Variants in C1orf167 observed in about 807,000 individuals in gnomAD.
C1orf167 encodes uncharacterized protein C1orf167.
A neutral mutation model predicts 176.5 loss-of-function variants in C1orf167; 153 were observed. That is an observed-to-expected ratio of 0.87 (90% CI 0.76 to 0.99). C1orf167 has a LOEUF of 0.99. C1orf167 is among the 50% of genes least tolerant of loss of function. C1orf167 has a pLI of 0.00. For missense variants in C1orf167, 1,490 were observed against 1,817.7 expected (o/e 0.82, Z 3.28); for synonymous variants, 594 against 752.7 (o/e 0.79, Z 3.45).
chr1:11,785,281 G>C lies in C1orf167; in HGVS notation c.3559G>C (p.Ala1187Pro), dbSNP rs1356682506. The C allele has an allele frequency of 7.8e-7, 1 of 1,286,438 alleles. No individual in the cohort carries two copies. The highest frequency in any genetic ancestry group is 1.2e-5 in the South Asian group (1 of 80,888). The allele number at this position is 1,286,438 out of a possible 1,614,324, so 79.7% of individuals were successfully genotyped here. A position where few individuals can be genotyped will look rare whatever the true frequency, so the allele number is the denominator to read the frequency against. ...QLRVRLGLPGAGKTRSCWTQA... is the reference protein window; with the variant it reads ...QLRVRLGLPGPGKTRSCWTQA... ...CAGGGTGCGGCTGGGACTGCCAGGG[G>C]CCGGCAAGGTACGCCCCAAGCCCCA... The change falls in exon 16 of 21, where the codon GCC (alanine) becomes CCC (proline). Residue 1187 changes from alanine to proline, a missense_variant. Physicochemically the swap from Ala to Pro is conservative, Grantham distance 27 (BLOSUM62 -1). Transcript: ENST00000688073.
chr1:11,771,298 A>T (rs937136050), intron 6 of C1orf167, among the ~76,000 whole-genome samples: 2 of 123,352 alleles, frequency 1.6e-5, no homozygotes, highest in South Asian at 3.1e-4. Flanking sequence ...TTTGTTGTTT[A>T]AAAAAATCCA....
At chr1:11,776,383 C>A in intron 9 of C1orf167, 81 bp from the exon 10 acceptor site, 1 of 1,203,162 alleles carries the variant, frequency 8.3e-7, no homozygotes, top group Non-Finnish European at 1.1e-6. Flanking sequence ...CAAGAGGGGC[C>A]TGAGGCAGCA....
rs1557752500 is a variant in C1orf167 at position 11,788,968 on chromosome 1, C to G, written c.4173+222C>G. On this transcript the variant is annotated intron_variant, in intron 20 of 20. Coordinates refer to ENST00000688073, the MANE Select transcript of C1orf167 (RefSeq NM_001010881.2). ...CCAGCTCAGGCCAGGCCCACCCGGT[C>G]CATCAGTTTGCGAAGAAGGTGTGGC... 1.0e-5 allele frequency: 4 copies of G among 386,522 alleles called. No homozygotes were observed. The Admixed American group carries it at 1.5e-4, about 14-fold the overall frequency. The allele number at this position is 386,522 out of a possible 1,614,324, so 23.9% of individuals were successfully genotyped here.
In C1orf167 at chr1:11,787,201, C is replaced by T. The variant is rs200822442; in HGVS notation, c.3568-187C>T. The T allele has an allele frequency of 1.7e-4, 43 of 250,718 alleles. 2 individuals carry two copies. Among genetic ancestry groups the T allele is most frequent in the South Asian group, 1.5e-3 (40 of 26,046 alleles). 15.5% of individuals were successfully genotyped at this position (250,718 alleles called of 1,614,324 possible). ...ATAGCCCCCTCCCAGGGCTGTGCTC[C>T]GGGAACTGACTGAGGGCTAACTATT... On this transcript the variant is annotated intron_variant, in intron 16 of 20. Transcript: ENST00000688073.
At chr1:11,776,255 C>G (rs553206989) in intron 9 of C1orf167, among the ~76,000 whole-genome samples, 1 of 150,388 alleles carries the variant, frequency 6.6e-6, no homozygotes, top group Non-Finnish European at 1.5e-5. Flanking sequence ...AAAATTCTGT[C>G]TCAAAGAAAC....
intron 7 of C1orf167, among the ~76,000 whole-genome samples, 159 bp from the exon 8 acceptor site, chr1:11,771,923 A>T (rs564553418): frequency 2.0e-5 from 3 of 152,274 alleles, no homozygotes; most frequent in African/African-American, 7.2e-5. Flanking sequence ...ACACTGATGC[A>T]GGCCCACACC....
chr1:11,771,020 C>CGTGTGT (rs1406584534), intron 6 of C1orf167, among the ~76,000 whole-genome samples: 8 of 90,580 alleles, frequency 8.8e-5, no homozygotes, highest in East Asian at 3.2e-4. Flanking sequence ...CCTCTGGCAG[C>CGTGTGT]GTGTGTGTGT....
chr1:11,765,712 AC>A, intron 2 of C1orf167, 144 bp from the exon 3 acceptor site: 1 of 755,262 alleles, frequency 1.3e-6, no homozygotes, highest in Non-Finnish European at 1.7e-6. Context: ...ACCCAGGGAG[AC>A]AGAGCTGGCA....
rs1405404693 is a variant in C1orf167, at chr1:11,767,021, A to G, written c.1235A>G (p.His412Arg). ...GEEGAPRERV[H>R]REEERTAFHL... Reference sequence around the variant, plus strand: ...GAGGGGGCCCCGAGGGAGCGGGTCCACAGGGAGGAGGAGAGGACAGCTTTC... The same window carrying G: ...GAGGGGGCCCCGAGGGAGCGGGTCCGCAGGGAGGAGGAGAGGACAGCTTTC... The change falls in exon 3 of 21, where the codon CAC (histidine) becomes CGC (arginine). Residue 412 changes from histidine (H) to arginine (R), a missense_variant. Physicochemically the swap from His to Arg is conservative, Grantham distance 29. Coordinates refer to ENST00000688073, the MANE Select transcript of C1orf167 (RefSeq NM_001010881.2). 2.5e-6 allele frequency: 3 copies of G among 1,216,788 alleles called. No individual in the cohort carries two copies. Among genetic ancestry groups the G allele is most frequent in the East Asian group, 1.1e-4 (2 of 17,408 alleles). The allele number at this position is 1,216,788 out of a possible 1,614,324, so 75.4% of individuals were successfully genotyped here. A position where few individuals can be genotyped will look rare whatever the true frequency, so the allele number is the denominator to read the frequency against.
Position 11,766,477 on chromosome 1 carries a change from G to A in C1orf167, c.691G>A (p.Ala231Thr), listed in dbSNP as rs1018994407. 3.9e-6 allele frequency: 5 copies of A among 1,286,058 alleles called. No homozygotes were observed. Among genetic ancestry groups the A allele is most frequent in the Non-Finnish European group, 5.1e-6 (5 of 986,994 alleles). The allele number at this position is 1,286,058 out of a possible 1,614,324, so 79.7% of individuals were successfully genotyped here. The change falls in exon 3 of 21, where the codon GCC becomes ACC. Residue 231 changes from alanine to threonine, a missense_variant. Ala to Thr is a moderately conservative substitution (Grantham distance 58). Transcript: ENST00000688073. The surrounding 1 kb of genome is among the most constrained non-coding windows in gnomAD (Gnocchi z 4.5). Reference sequence around the variant, plus strand: ...TGTCCCCAGTCAGAACCAGACTCAGGCCCCATCCCGTGCTGCCGTCCACCA... The same window carrying A: ...TGTCCCCAGTCAGAACCAGACTCAGACCCCATCCCGTGCTGCCGTCCACCA... ...LAVPSQNQTQ[A>T]PSRAAVHQLL...
Position 11,785,309 on chromosome 1 carries a change from C to G in C1orf167, c.3567+20C>G. ...GGCAAGGTACGCCCCAAGCCCCAGA[C>G]TGACCTCACGCTCTGGCCCCGGATG... is the stretch of plus-strand genomic sequence containing the variant. On this transcript the variant is annotated intron_variant, in intron 16 of 20. Transcript: ENST00000688073. 1 of 1,268,496 alleles carries G rather than the reference C, an allele frequency of 7.9e-7. No homozygotes were observed. Among genetic ancestry groups the G allele is most frequent in the Non-Finnish European group, 1.0e-6 (1 of 972,632 alleles). The allele number at this position is 1,268,496 out of a possible 1,614,324, so 78.6% of individuals were successfully genotyped here.
At chr1:11,763,402 G>A (rs145887987) in intron 1 of C1orf167, among the ~76,000 whole-genome samples, 11 of 148,064 alleles carry the variant, frequency 7.4e-5, no homozygotes, top group South Asian at 2.1e-4. Context: ...CCGGGATCAC[G>A]CCATTGTACC....
intron 13 of C1orf167, among the ~76,000 whole-genome samples, chr1:11,781,686 G>A (rs748080613): frequency 1.3e-5 from 2 of 152,082 alleles, no homozygotes; most frequent in Non-Finnish European, 2.9e-5. Flanking sequence ...CCGGACTGGC[G>A]GATCACGAGG....
intron 14 of C1orf167, among the ~76,000 whole-genome samples, chr1:11,783,085 A>C (rs1415410388): frequency 6.6e-6 from 1 of 152,120 alleles, no homozygotes; most frequent in Non-Finnish European, 1.5e-5. Context: ...TATACAGTTC[A>C]TGAATGCATA....
In C1orf167 at chr1:11,787,443, A is replaced by G. The variant is rs1349427500; in HGVS notation, c.3623A>G (p.Gln1208Arg). ...TELVPPAPSL[Q>R]CSLGGRRKPR... The stretch of plus-strand genomic sequence containing the variant: ...CTGGTGCCTCCCGCGCCATCACTGC[A>G]GTGCAGCCTGGGTGGACGGAGGAAG... Residue 1208 changes from glutamine to arginine, a missense_variant, in exon 17 of 21, where the codon CAG (glutamine) becomes CGG (arginine). Gln to Arg is a conservative substitution (Grantham distance 43). Coordinates refer to ENST00000688073, the MANE Select transcript of C1orf167 (RefSeq NM_001010881.2). 4 of 1,303,374 alleles carry G rather than the reference A, an allele frequency of 3.1e-6. No homozygotes were observed. In the East Asian group the frequency reaches 2.2e-4, roughly 72 times the overall value. 80.7% of individuals were successfully genotyped at this position (1,303,374 alleles called of 1,614,324 possible). A position where few individuals can be genotyped will look rare whatever the true frequency, so the allele number is the denominator to read the frequency against.
intron 1 of C1orf167, among the ~76,000 whole-genome samples, chr1:11,763,925 G>C (rs1642654024): frequency 6.6e-6 from 1 of 152,182 alleles, no homozygotes; most frequent in Admixed American, 6.5e-5. Context: ...CCACCAGAAG[G>C]CCGGAGCTGC....
At chr1:11,763,442 C>CA (rs34701302) in intron 1 of C1orf167, among the ~76,000 whole-genome samples, 172 of 107,690 alleles carry the variant, frequency 1.6e-3, no homozygotes, top group Middle Eastern at 4.9e-3. Context: ...GACTCCGGCT[C>CA]AAAAAAAAAA....
Position 11,784,260 on chromosome 1 carries a change from G to A in C1orf167, c.3092G>A (p.Arg1031Lys), listed in dbSNP as rs891719671. 2.3e-6 allele frequency: 3 copies of A among 1,301,836 alleles called. No individual in the cohort carries two copies. The highest frequency in any genetic ancestry group is 1.5e-5 in the African/African-American group (1 of 65,878). The allele number at this position is 1,301,836 out of a possible 1,614,324, so 80.6% of individuals were successfully genotyped here. Residue 1031 changes from arginine to lysine, a missense_variant, in exon 15 of 21, where the codon AGA becomes AAA. Physicochemically the swap from Arg to Lys is conservative, Grantham distance 26 (BLOSUM62 2). Coordinates refer to ENST00000688073, the MANE Select transcript of C1orf167 (RefSeq NM_001010881.2). ...HQAFQDGLRR[R>K]ALGAVFATWR... ...GCCTTTCAGGATGGCCTGAGGAGAA[G>A]AGCACTGGGGGCCGTGTTTGCCACA...
At chr1:11,773,707 C>T (rs928789440) in intron 8 of C1orf167, among the ~76,000 whole-genome samples, 2 of 152,074 alleles carry the variant, frequency 1.3e-5, no homozygotes, top group African/African-American at 4.8e-5. Flanking sequence ...GACTCCATCT[C>T]AGAAATAAGT....
Sources: gnomAD v4.1 joint callset for allele counts (sites outside exome capture counted in the v4.1 genomes callset) on GRCh38, gnomAD v4.1.1 for gene constraint, Gnocchi (gnomAD v3.1) non-coding constraint, MANE v1.5 for transcripts, NCBI Gene and HGNC (gene_info 2026-07-23, HGNC 2026-07-21) for gene names.